Variants in MAP3K15 observed in about 807,000 individuals in gnomAD.
The protein encoded by MAP3K15 is mitogen-activated protein kinase kinase kinase 15.
Under a neutral mutation model 99.5 loss-of-function variants are expected in MAP3K15, and 124 were observed. The ratio of observed to expected loss-of-function variants is 1.25; its 90% CI spans 1.08 to 1.45. The LOEUF is 1.45. MAP3K15 is among the 40% of genes most tolerant of loss of function. MAP3K15 has a pLI of 0.00. For missense variants in MAP3K15, 1,242 were observed against 1,079.7 expected, an observed-to-expected ratio of 1.15 and a Z score of -2.11; for synonymous variants, 494 against 439.6, an observed-to-expected ratio of 1.12 and a Z score of -1.55.
chrX:19,400,443 G>A (rs1008020192), intron 14 of MAP3K15, 133 bp downstream of exon 14: 15 of 410,434 alleles, frequency 3.7e-5, no homozygotes, highest in Non-Finnish European at 8.4e-6. Context: ...TTATCTCTGG[G>A]AACCATGCAG....
chrX:19,432,269 A>G (rs2063888914), intron 6 of MAP3K15, among the ~76,000 whole-genome samples: 1 of 111,488 alleles, frequency 9.0e-6, no homozygotes, highest in Non-Finnish European at 1.9e-5. Flanking sequence ...CAAATCCACT[A>G]TAAAACATAT....
At chrX:19,480,653 TAA>T (rs746641774) in intron 3 of MAP3K15, among the ~76,000 whole-genome samples, 10,367 of 68,366 alleles carry the variant, frequency 0.15, 2,425 homozygotes, top group African/African-American at 0.54. Context: ...GGTCTCTACT[TAA>T]AAAAAAAAAA....
At chrX:19,415,011 A>T in intron 10 of MAP3K15, 96 bp downstream of exon 10, 1 of 753,208 alleles carries the variant, frequency 1.3e-6, no homozygotes, top group Non-Finnish European at 1.8e-6. Flanking sequence ...AAATTACTCT[A>T]CAGTTTTCTT....
At chrX:19,400,491 G>C (rs902019759) in intron 14 of MAP3K15, 85 bp downstream of exon 14, 9 of 694,057 alleles carry the variant, frequency 1.3e-5, no homozygotes, top group African/African-American at 2.1e-5. Context: ...CTCAACAGAG[G>C]ATTTTTATAG....
At chrX:19,408,258 T>C (rs1364497627) in intron 12 of MAP3K15, among the ~76,000 whole-genome samples, 1 of 111,736 alleles carries the variant, frequency 8.9e-6, no homozygotes, top group Admixed American at 9.5e-5. Flanking sequence ...AAATCCCCAC[T>C]GATGGCTGAA....
intron 9 of MAP3K15, among the ~76,000 whole-genome samples, chrX:19,421,211 G>A (rs1432265122): frequency 1.8e-5 from 2 of 110,735 alleles, no homozygotes; most frequent in East Asian, 5.6e-4. Flanking sequence ...GGAAATAAAG[G>A]GTATTCAATT....
intron 9 of MAP3K15, among the ~76,000 whole-genome samples, chrX:19,420,067 A>C (rs1431387410): frequency 7.1e-5 from 8 of 112,070 alleles, no homozygotes; most frequent in Admixed American, 1.9e-4. Context: ...TATAGCACTA[A>C]ATGCCCACAA....
intron 6 of MAP3K15, among the ~76,000 whole-genome samples, chrX:19,435,566 C>A (rs757177553): frequency 8.9e-6 from 1 of 112,137 alleles, no homozygotes. Flanking sequence ...AACAAAAAGT[C>A]TTTTGAGTAT....
chrX:19,416,087 T>G (rs760989384), intron 9 of MAP3K15, among the ~76,000 whole-genome samples: 1 of 111,565 alleles, frequency 9.0e-6, no homozygotes, highest in African/African-American at 3.3e-5. Context: ...TCCCAGCACT[T>G]TGGGAGGCCT....
chrX:19,420,447 T>C (rs1477707330), intron 9 of MAP3K15, among the ~76,000 whole-genome samples: 1 of 111,387 alleles, frequency 9.0e-6, no homozygotes, highest in Admixed American at 9.5e-5. Flanking sequence ...AAGAAATGGA[T>C]AAATTCCTCG....
At chrX:19,367,937 C>T (rs1236695072) in intron 25 of MAP3K15, among the ~76,000 whole-genome samples, 1 of 105,389 alleles carries the variant, frequency 9.5e-6, no homozygotes, top group Non-Finnish European at 1.9e-5. Context: ...TTAGTAGAGA[C>T]GGGGTTTCAC....
rs1179553586 is a variant in MAP3K15, at chrX:19,395,088, C to T, written c.2187G>A (p.Val729=). The part of the protein sequence containing the change: ...NGYIKIFMEQ[V]PGGSLSALLR... ...AAGACAGCGACTACTCACCTCCAGG[C>T]ACCTGCTCCATAAATATCTTAATGT... The change falls in exon 16 of 29, where the codon GTG becomes GTA. Residue 729 remains valine (V), a synonymous_variant. Transcript: ENST00000338883. 1 of 1,207,750 alleles carries T rather than the reference C, an allele frequency of 8.3e-7. No individual in the cohort carries two copies. The highest frequency in any genetic ancestry group is 1.1e-6 in the Non-Finnish European group (1 of 893,138).
chrX:19,448,158 G>C (rs896171571), intron 6 of MAP3K15, among the ~76,000 whole-genome samples: 7 of 108,412 alleles, frequency 6.5e-5, no homozygotes, highest in African/African-American at 2.3e-4. Context: ...TTCCAGTTTG[G>C]TCTTCCTGAC....
At chrX:19,432,120 C>A (rs2063888022) in intron 6 of MAP3K15, among the ~76,000 whole-genome samples, 1 of 110,473 alleles carries the variant, frequency 9.1e-6, no homozygotes. Flanking sequence ...CAATTACACT[C>A]AGTCCCTACT....
chrX:19,445,152 T>A lies in MAP3K15; in HGVS notation c.995+11761A>T, dbSNP rs183667472. On this transcript the variant is annotated intron_variant, in intron 6 of 28. Transcript: ENST00000338883. ...TCTACTGCCTTTCTTCTTTTCCCTA[T>A]CTCATTTCCCTGTCTCCCTTCTGAA... Among the ~76,000 whole-genome samples, 434 of 111,271 alleles carry A rather than the reference T, an allele frequency of 3.9e-3. 3 individuals are homozygous for A. Among genetic ancestry groups the A allele is most frequent in the African/African-American group, 0.013 (386 of 30,656 alleles).
chrX:19,461,819 C>T (rs951247449), intron 4 of MAP3K15, among the ~76,000 whole-genome samples: 4 of 110,659 alleles, frequency 3.6e-5, no homozygotes, highest in East Asian at 5.7e-4. Context: ...GGTGAAACCC[C>T]GTCTCTACTA....
chrX:19,424,034 A>G (rs2063808589), intron 9 of MAP3K15, among the ~76,000 whole-genome samples: 1 of 111,030 alleles, frequency 9.0e-6, no homozygotes, highest in African/African-American at 3.3e-5. Flanking sequence ...CTGGGAAAGG[A>G]CAACTGGAAG....
chrX:19,468,797 C>T (rs187739237), intron 3 of MAP3K15, among the ~76,000 whole-genome samples: 237 of 111,375 alleles, frequency 2.1e-3, no homozygotes, highest in African/African-American at 7.4e-3. Context: ...TTTCACTGAG[C>T]AGTGGTTTGT....
chrX:19,419,055 GAAC>G (rs2063761113), intron 9 of MAP3K15, among the ~76,000 whole-genome samples: 2 of 111,785 alleles, frequency 1.8e-5, no homozygotes, highest in South Asian at 7.4e-4. Context: ...ACATGGAAAG[GAAC>G]AACCAGTACC....
Sources: allele counts gnomAD v4.1 joint callset (sites outside exome capture counted in the v4.1 genomes callset), GRCh38; gene constraint gnomAD v4.1.1; transcripts MANE v1.5; gene names NCBI Gene and HGNC (gene_info 2026-07-23, HGNC 2026-07-21).